The following GRK5 variants were observed in gnomAD, a reference collection of about 807,000 sequenced individuals.
The protein encoded by GRK5 is g protein-coupled receptor kinase GRK5.
In GRK5, 40 loss-of-function variants were observed where a neutral mutation model predicts 78.4. That is an observed-to-expected ratio of 0.51 (90% CI 0.40 to 0.66). GRK5 has a LOEUF of 0.66. GRK5 is among the 30% of genes least tolerant of loss of function. GRK5 has a pLI of 0.00. For synonymous variants in GRK5, 289 were observed against 296.8 expected, an observed-to-expected ratio of 0.97 and a Z score of 0.27; for missense variants, 598 against 759.9, an observed-to-expected ratio of 0.79 and a Z score of 2.50.
At chr10:119,442,331 G>A (rs1273773222) in intron 11 of GRK5, among the ~76,000 whole-genome samples, 1 of 152,234 alleles carries the variant, frequency 6.6e-6, no homozygotes, top group African/African-American at 2.4e-5. Context: ...AGCCCCACCT[G>A]TGTCCAAAGC....
intron 6 of GRK5, among the ~76,000 whole-genome samples, chr10:119,427,956 CTCACTGCCATCATCAGCA>C (rs1239869383): frequency 1.7e-4 from 10 of 57,458 alleles, no homozygotes; most frequent in South Asian, 4.8e-4. Context: ...CATCATCAGC[CTCACTGCCATCATCAGCA>C]TCACCGCCAT....
At position 119,450,944 on chromosome 10, in the gene GRK5, C is replaced by T. The variant is rs571280714; in HGVS notation, c.1405-1727C>T. On this transcript the variant is annotated intron_variant, in intron 13 of 15. Coordinates refer to ENST00000392870, the MANE Select transcript of GRK5 (RefSeq NM_005308.3). ...TGGCCCTCCCCAGGCTGCACGCCAACCCCCAGTCATCCCTGCCAGCCCCCC... is the reference window on the plus strand; with the variant it reads ...TGGCCCTCCCCAGGCTGCACGCCAATCCCCAGTCATCCCTGCCAGCCCCCC... 7.3e-5 allele frequency among the ~76,000 whole-genome samples: 11 copies of T among 150,592 alleles called. No individual in the cohort carries two copies. The East Asian group carries it at 2.2e-3, about 30-fold the overall frequency.
intron 2 of GRK5, among the ~76,000 whole-genome samples, chr10:119,346,771 G>A (rs1267175438): frequency 6.6e-6 from 1 of 152,170 alleles, no homozygotes; most frequent in Non-Finnish European, 1.5e-5. Context: ...CCAGGCTCCG[G>A]CAGAGGCAAC....
chr10:119,225,439 A>T (rs905942220), intron 1 of GRK5, among the ~76,000 whole-genome samples: 13 of 152,140 alleles, frequency 8.5e-5, no homozygotes, highest in Admixed American at 5.2e-4. Flanking sequence ...GATAGGTATT[A>T]CCTACCTTTT....
At chr10:119,338,740 C>G (rs1467201867) in intron 2 of GRK5, among the ~76,000 whole-genome samples, 1 of 152,188 alleles carries the variant, frequency 6.6e-6, no homozygotes, top group Non-Finnish European at 1.5e-5. Context: ...CTCTCCCAAC[C>G]TATGGCTTAC....
chr10:119,389,512 A>C (rs1851851907), intron 3 of GRK5, among the ~76,000 whole-genome samples: 1 of 152,196 alleles, frequency 6.6e-6, no homozygotes, highest in Non-Finnish European at 1.5e-5. Context: ...TATATAGTGC[A>C]CATCTGTGGG....
At chr10:119,252,796 A>G (rs1275892070) in intron 1 of GRK5, among the ~76,000 whole-genome samples, 3 of 152,018 alleles carry the variant, frequency 2.0e-5, no homozygotes, top group Admixed American at 6.6e-5. Flanking sequence ...CCTCATTTTT[A>G]TGGGTCGTAG....
At chr10:119,429,523 G>A (rs1852774184) in intron 6 of GRK5, among the ~76,000 whole-genome samples, 1 of 150,320 alleles carries the variant, frequency 6.7e-6, no homozygotes. Context: ...GCACCGTGAT[G>A]TCCTTTATGG....
chr10:119,318,313 T>A (rs1589741613), intron 1 of GRK5, among the ~76,000 whole-genome samples: 1 of 152,356 alleles, frequency 6.6e-6, no homozygotes, highest in Non-Finnish European at 1.5e-5. Context: ...TACTAGGACC[T>A]ACGTCACGGG....
At chr10:119,262,959 G>T (rs1345121078) in intron 1 of GRK5, among the ~76,000 whole-genome samples, 3 of 152,194 alleles carry the variant, frequency 2.0e-5, no homozygotes, top group Non-Finnish European at 4.4e-5. Flanking sequence ...AGGGTTCTAT[G>T]GTCAAAGTTG....
At chr10:119,309,401 G>A (rs1850325258) in intron 1 of GRK5, among the ~76,000 whole-genome samples, 1 of 152,176 alleles carries the variant, frequency 6.6e-6, no homozygotes, top group South Asian at 2.1e-4. Flanking sequence ...TTGGTGGGAG[G>A]GAAGCATGCT....
At chr10:119,295,051 G>A (rs1184830144) in intron 1 of GRK5, among the ~76,000 whole-genome samples, 7 of 151,960 alleles carry the variant, frequency 4.6e-5, no homozygotes, top group South Asian at 2.1e-4. Context: ...TTAGCCGGGC[G>A]TGGTGGCATG....
At chr10:119,317,188 A>G (rs1454448956) in intron 1 of GRK5, among the ~76,000 whole-genome samples, 1 of 152,148 alleles carries the variant, frequency 6.6e-6, no homozygotes, top group Non-Finnish European at 1.5e-5. Context: ...AGTGTGGCCC[A>G]TGGGAAAACA....
intron 2 of GRK5, among the ~76,000 whole-genome samples, chr10:119,343,917 G>T (rs1450156273): frequency 6.6e-6 from 1 of 152,064 alleles, no homozygotes; most frequent in Admixed American, 6.6e-5. Flanking sequence ...TGTGTACGGC[G>T]TTTCTCAAGT....
chr10:119,341,385 CT>C (rs1850977966), intron 2 of GRK5, among the ~76,000 whole-genome samples: 1 of 152,246 alleles, frequency 6.6e-6, no homozygotes, highest in African/African-American at 2.4e-5. Flanking sequence ...AGCTTCACCC[CT>C]GCCGCTCATC....
chr10:119,449,840 A>C (rs934293919), intron 13 of GRK5, among the ~76,000 whole-genome samples: 4 of 152,218 alleles, frequency 2.6e-5, no homozygotes, highest in African/African-American at 9.6e-5. Context: ...TCTGCAGATG[A>C]GCTTGAGCAG....
intron 1 of GRK5, among the ~76,000 whole-genome samples, chr10:119,242,694 G>A (rs1849046120): frequency 6.6e-6 from 1 of 151,978 alleles, no homozygotes. Flanking sequence ...TGCTGTTCTT[G>A]TGAACTATCT....
At chr10:119,251,810 C>G (rs1849207502) in intron 1 of GRK5, among the ~76,000 whole-genome samples, 1 of 152,104 alleles carries the variant, frequency 6.6e-6, no homozygotes, top group Admixed American at 6.5e-5. Context: ...TTATGACAAC[C>G]AAAAATGTCT....
intron 1 of GRK5, among the ~76,000 whole-genome samples, chr10:119,252,144 C>CTG (rs1849214733): frequency 1.3e-5 from 2 of 152,316 alleles, no homozygotes; most frequent in South Asian, 4.1e-4. Flanking sequence ...ATAGGGGCAG[C>CTG]TGTGTGAGTA....
Sources: allele counts gnomAD v4.1 joint callset (sites outside exome capture counted in the v4.1 genomes callset), GRCh38; gene constraint gnomAD v4.1.1; transcripts MANE v1.5; gene names NCBI Gene and HGNC (gene_info 2026-07-23, HGNC 2026-07-21).